COL4A4: variants seen among roughly 807,000 people sequenced by gnomAD.
COL4A4 encodes the protein collagen type IV alpha 4 chain.
In COL4A4, 105 loss-of-function variants were observed where a neutral mutation model predicts 192.9. The observed-to-expected ratio is 0.54, with a 90% CI of 0.46 to 0.64. The LOEUF is 0.64. Among genes scored for constraint, COL4A4 ranks in the 30% least tolerant of loss-of-function variants. The pLI is 0.00. For missense variants in COL4A4, 1,967 were observed against 2,169.3 expected (o/e 0.91, Z 1.85); for synonymous variants, 762 against 769.9 (o/e 0.99, Z 0.17).
intron 35 of COL4A4, among the ~76,000 whole-genome samples, chr2:227,045,570 G>A (rs1972321151): frequency 6.6e-6 from 1 of 151,616 alleles, no homozygotes; most frequent in African/African-American, 2.4e-5. Flanking sequence ...AGGAGTTTGA[G>A]ACCAGCCTAG....
chr2:226,983,468 T>A, the COL4A4 span, among the ~76,000 whole-genome samples: 1 of 152,158 alleles, frequency 6.6e-6, no homozygotes, highest in East Asian at 1.9e-4. Context: ...CCATTTCTTT[T>A]CCCAGGCCCA....
In COL4A4 at chr2:227,050,057, C is replaced by T; in HGVS notation, c.3214+11G>A. The T allele has an allele frequency of 2.5e-6, 4 of 1,613,580 alleles. No individual in the cohort carries two copies. Among genetic ancestry groups the T allele is most frequent in the Non-Finnish European group, 3.4e-6 (4 of 1,179,484 alleles). On this transcript the variant is annotated intron_variant, in intron 34 of 47. Transcript: ENST00000396625. ...CATTTGACAGATGGCTTCTGTATCT[C>T]CAAACCATACCTTTAGGTCCTCTTG...
intron 33 of COL4A4, 152 bp downstream of exon 33, chr2:227,050,825 A>C: frequency 1.1e-6 from 1 of 876,844 alleles, no homozygotes; most frequent in African/African-American, 1.7e-5. Context: ...GGCCTTCTAG[A>C]AGGCTCTATT....
chr2:227,098,662 G>T, intron 19 of COL4A4, 32 bp downstream of exon 19: 1 of 1,562,748 alleles, frequency 6.4e-7, no homozygotes, highest in Non-Finnish European at 8.8e-7. Flanking sequence ...AATCTGACCT[G>T]TAAAAGCCAG....
At chr2:227,125,165 C>T (rs559923952) in intron 4 of COL4A4, among the ~76,000 whole-genome samples, 5 of 152,010 alleles carry the variant, frequency 3.3e-5, no homozygotes, top group African/African-American at 4.8e-5. Context: ...AGTATAGAAA[C>T]GTGTGCTGAT....
chr2:227,132,299 C>T (rs369099385), intron 4 of COL4A4, among the ~76,000 whole-genome samples: 1 of 152,094 alleles, frequency 6.6e-6, no homozygotes, highest in African/African-American at 2.4e-5. Flanking sequence ...AAATAGTGGC[C>T]GGAGGGGAGT....
intron 37 of COL4A4, among the ~76,000 whole-genome samples, chr2:227,041,860 A>AAGAGAGAGAGAGAGAGAGAG: frequency 1.1e-5 from 1 of 92,336 alleles, no homozygotes; most frequent in South Asian, 3.9e-4. Context: ...GAAAGAAAGA[A>AAGAGAGAGAGAGAGAGAGAG]AGAAAGAAAG....
At chr2:227,115,059 TAG>T (rs977823365) in intron 7 of COL4A4, among the ~76,000 whole-genome samples, 1 of 147,272 alleles carries the variant, frequency 6.8e-6, no homozygotes, top group African/African-American at 2.7e-5. Context: ...TATATATATA[TAG>T]AGAGAGAGAT....
Position 227,050,254 on chromosome 2 carries a change from A to G in COL4A4, c.3151-123T>C, listed in dbSNP as rs1973793089. ...TTTTTGTAATCTGCAGTGGTAACGA[A>G]AGTTTAAATGCATGCAAGCCTCCCA... On this transcript the variant is annotated intron_variant, in intron 33 of 47. Transcript: ENST00000396625. The G allele has an allele frequency of 4.8e-6, 4 of 837,478 alleles. No homozygotes were observed. In the Admixed American group the frequency reaches 7.3e-5, roughly 15 times the overall value. The allele number at this position is 837,478 out of a possible 1,614,324, so 51.9% of individuals were successfully genotyped here. A position where few individuals can be genotyped will look rare whatever the true frequency, so the allele number is the denominator to read the frequency against.
At chr2:227,052,216 C>A in intron 32 of COL4A4, 89 bp downstream of exon 32, 1 of 810,388 alleles carries the variant, frequency 1.2e-6, no homozygotes, top group Non-Finnish European at 2.1e-6. Flanking sequence ...CTTTTCTAAT[C>A]TCAGTGTTAT....
chr2:227,047,184 A>G (rs1973073390), intron 35 of COL4A4, among the ~76,000 whole-genome samples: 3 of 151,938 alleles, frequency 2.0e-5, no homozygotes, highest in African/African-American at 7.3e-5. Context: ...TTCATTTTTG[A>G]GTTTGCCAAA....
At chr2:227,086,662 C>G (rs2059617496) in intron 22 of COL4A4, among the ~76,000 whole-genome samples, 1 of 152,108 alleles carries the variant, frequency 6.6e-6, no homozygotes, top group Non-Finnish European at 1.5e-5. Flanking sequence ...TTAAGTAAAC[C>G]TTAGCCATGA....
intron 2 of COL4A4, 159 bp downstream of exon 2, chr2:227,147,254 A>G (rs773627844): frequency 1.3e-6 from 1 of 762,662 alleles, no homozygotes; most frequent in African/African-American, 1.7e-5. Context: ...GTTGGTGTTC[A>G]ATAATAAAAA....
the COL4A4 span, among the ~76,000 whole-genome samples, chr2:226,972,121 C>A: frequency 6.6e-6 from 1 of 152,070 alleles, no homozygotes; most frequent in African/African-American, 2.4e-5. Flanking sequence ...CTGTTCCACT[C>A]CCTGTATCCA....
chr2:227,055,122 T>G (rs1975015645), intron 30 of COL4A4, among the ~76,000 whole-genome samples: 1 of 152,120 alleles, frequency 6.6e-6, no homozygotes, highest in East Asian at 1.9e-4. Context: ...AGTATGATTC[T>G]TATATATTGT....
intron 43 of COL4A4, among the ~76,000 whole-genome samples, chr2:227,024,082 C>T (rs75669871): frequency 0.014 from 2,076 of 152,224 alleles, 22 homozygotes; most frequent in Non-Finnish European, 0.023. Flanking sequence ...GGTGACACAG[C>T]TTACACACAG....
chr2:227,030,630 T>A (rs1345869698), intron 40 of COL4A4, 32 bp from the exon 41 acceptor site: 1 of 1,548,918 alleles, frequency 6.5e-7, no homozygotes, highest in South Asian at 1.2e-5. Flanking sequence ...AAATATTCTT[T>A]TAGTCAAAGA....
intron 25 of COL4A4, among the ~76,000 whole-genome samples, chr2:227,065,785 C>A (rs2058294745): frequency 6.6e-6 from 1 of 152,206 alleles, no homozygotes; most frequent in Non-Finnish European, 1.5e-5. Context: ...AAAAACAGAG[C>A]AGAAAAACTG....
chr2:227,164,215 C>G (rs538579995), upstream of COL4A4: 1 of 155,836 alleles, frequency 6.4e-6, no homozygotes, highest in Non-Finnish European at 1.4e-5. The surrounding 1 kb of genome is among the most constrained non-coding windows in gnomAD (Gnocchi z 4.8). Flanking sequence ...TGCAGACGCC[C>G]GGCGCGCCTC....
Sources: gnomAD v4.1 joint callset for allele counts (sites outside exome capture counted in the v4.1 genomes callset) on GRCh38, gnomAD v4.1.1 for gene constraint, Gnocchi (gnomAD v3.1) non-coding constraint, MANE v1.5 for transcripts, NCBI Gene and HGNC (gene_info 2026-07-23, HGNC 2026-07-21) for gene names.